NLGN4X: variants seen among roughly 807,000 people sequenced by gnomAD.
NLGN4X encodes the protein neuroligin 4 X-linked, also known as neuroligin-4, X-linked.
Under a neutral mutation model 40.3 loss-of-function variants are expected in NLGN4X, and 3 were observed. The observed-to-expected ratio is 0.07, with a 90% CI of 0.03 to 0.19. The LOEUF (loss-of-function observed/expected upper bound fraction) is 0.19, where lower values mean the gene tolerates loss of function less well. Ranked by LOEUF, NLGN4X falls within the 10% of genes least tolerant of loss-of-function variation. NLGN4X has a pLI of 1.00. For synonymous variants in NLGN4X, 270 were observed against 306.8 expected (o/e 0.88, Z 1.25); for missense variants, 382 against 708.3 (o/e 0.54, Z 5.23).
intron 3 of NLGN4X, among the ~76,000 whole-genome samples, chrX:5,988,902 T>TA (rs900950067): frequency 1.6e-4 from 17 of 109,058 alleles, no homozygotes; most frequent in Non-Finnish European, 2.3e-4. Context: ...CCGTCCCTAC[T>TA]AAAAAAAATA....
intron 3 of NLGN4X, among the ~76,000 whole-genome samples, chrX:5,927,208 TATC>T (rs949563328): frequency 1.8e-5 from 2 of 111,917 alleles, no homozygotes; most frequent in African/African-American, 3.2e-5. Context: ...GGAAAGAAGA[TATC>T]ATCTGAAATG....
intron 3 of NLGN4X, among the ~76,000 whole-genome samples, chrX:5,930,813 C>G (rs909986003): frequency 1.8e-5 from 2 of 112,149 alleles, no homozygotes; most frequent in Admixed American, 9.5e-5. Context: ...CTGGTTTTAT[C>G]TTGATGATAG....
At chrX:6,049,738 GGGGGC>G (rs72241815) in intron 2 of NLGN4X, among the ~76,000 whole-genome samples, 39,693 of 70,992 alleles carry the variant, frequency 0.56, 7,715 homozygotes, top group Middle Eastern at 0.71. Flanking sequence ...AATGGGGGGG[GGGGGC>G]GGTCACAAAA....
intron 3 of NLGN4X, among the ~76,000 whole-genome samples, chrX:5,909,929 A>C (rs1173838314): frequency 9.0e-6 from 1 of 111,264 alleles, no homozygotes; most frequent in Non-Finnish European, 1.9e-5. Flanking sequence ...ACATCTCCCC[A>C]ACTGTTCCCA....
rs1323014674 is a variant in NLGN4X at position 5,901,844 on chromosome X, G to GTATATACAAATATATTTGTGTGTATA, written c.1601+1207_1601+1232dup. On this transcript the variant is annotated intron_variant, in intron 5 of 5. Coordinates refer to ENST00000381095, the MANE Select transcript of NLGN4X (RefSeq NM_181332.3). Reference sequence around the variant, plus strand: ...AGTATTTGTATATATATTTGTATTTGTATATACAAATATATTTGTGTGTAT... The same window carrying GTATATACAAATATATTTGTGTGTATA: ...AGTATTTGTATATATATTTGTATTTGTATATACAAATATATTTGTGTGTATATATATACAAATATATTTGTGTGTAT... Among the ~76,000 whole-genome samples the GTATATACAAATATATTTGTGTGTATA allele has an allele frequency of 1.8e-4, 18 of 102,073 alleles. No homozygotes were observed. The East Asian group carries it at 5.0e-3, about 29-fold the overall frequency. The allele number at this position is 102,073 out of a possible 115,157, so 88.6% of individuals were successfully genotyped here.
chrX:6,211,322 G>C (rs1197511954), intron 1 of NLGN4X, among the ~76,000 whole-genome samples: 1 of 111,103 alleles, frequency 9.0e-6, no homozygotes, highest in Non-Finnish European at 1.9e-5. Flanking sequence ...GAGGGGTGTG[G>C]AGTAAAAAAA....
intron 1 of NLGN4X, among the ~76,000 whole-genome samples, chrX:6,177,611 G>C (rs1920984548): frequency 8.9e-6 from 1 of 112,106 alleles, no homozygotes; most frequent in Non-Finnish European, 1.9e-5. Flanking sequence ...CATGTCCTTT[G>C]AATGTGAAAG....
intron 3 of NLGN4X, among the ~76,000 whole-genome samples, chrX:6,021,862 C>T (rs2036568142): frequency 9.1e-6 from 1 of 110,056 alleles, no homozygotes; most frequent in African/African-American, 3.3e-5. Context: ...ACTGCATGGA[C>T]CCCTGCCAAC....
intron 1 of NLGN4X, among the ~76,000 whole-genome samples, chrX:6,226,450 GTT>G (rs1926335075): frequency 9.0e-6 from 1 of 111,064 alleles, no homozygotes; most frequent in Admixed American, 9.3e-5. Flanking sequence ...GGGTGCAAGG[GTT>G]GGCCTGACCC....
chrX:6,056,610 T>C (rs1303826420), intron 2 of NLGN4X, among the ~76,000 whole-genome samples: 3 of 112,522 alleles, frequency 2.7e-5, no homozygotes, highest in Non-Finnish European at 3.7e-5. Flanking sequence ...AATTGGACAG[T>C]TAAATGGATA....
chrX:5,971,029 A>G (rs1466814207), intron 3 of NLGN4X, among the ~76,000 whole-genome samples: 1 of 111,808 alleles, frequency 8.9e-6, no homozygotes, highest in Non-Finnish European at 1.9e-5. Context: ...TTCCCTGAGG[A>G]ACCTCACCCA....
intron 3 of NLGN4X, among the ~76,000 whole-genome samples, chrX:5,941,180 G>GGTGTGTGTGTGTGTGT (rs3220455): frequency 1.7e-5 from 1 of 58,625 alleles, no homozygotes; most frequent in East Asian, 9.0e-4. Flanking sequence ...TATGCTAGGG[G>GGTGTGTGTGTGTGTGT]GTGTGTGTGT....
At chrX:6,217,110 C>CATTCT (rs989246706) in intron 1 of NLGN4X, among the ~76,000 whole-genome samples, 1 of 112,251 alleles carries the variant, frequency 8.9e-6, no homozygotes, top group Non-Finnish European at 1.9e-5. Flanking sequence ...AATACTGCTA[C>CATTCT]AGCATTACAG....
chrX:6,186,804 T>C (rs968766303), intron 1 of NLGN4X: 1 of 111,861 alleles, frequency 8.9e-6, no homozygotes, highest in Non-Finnish European at 1.9e-5. Flanking sequence ...GAATTGATGG[T>C]TTTTAATAAA....
chrX:5,922,372 G>C (rs2033104613), intron 3 of NLGN4X, among the ~76,000 whole-genome samples: 1 of 111,477 alleles, frequency 9.0e-6, no homozygotes, highest in Non-Finnish European at 1.9e-5. Context: ...ACAAAGAAAT[G>C]ATAAATGTTT....
At chrX:6,070,412 A>C (rs1367850966) in intron 2 of NLGN4X, among the ~76,000 whole-genome samples, 1 of 111,791 alleles carries the variant, frequency 8.9e-6, no homozygotes, top group African/African-American at 3.2e-5. Flanking sequence ...CTGAACATTA[A>C]TAAAATATAT....
In NLGN4X at chrX:6,212,243, T is replaced by TAAA. The variant is rs746048703; in HGVS notation, c.-306+16295_-306+16297dup. ...CTGGGCGACAGAGCAAGACTCCATT[T>TAAA]AAAAAAAAAAAAAAAGAGTCCTTGA... On this transcript the variant is annotated intron_variant, in intron 1 of 5. Transcript: ENST00000381095. 2.8e-3 allele frequency among the ~76,000 whole-genome samples: 269 copies of TAAA among 95,550 alleles called. 3 individuals carry two copies. Among genetic ancestry groups the TAAA allele is most frequent in the African/African-American group, 9.9e-3 (259 of 26,108 alleles). 83.0% of individuals were successfully genotyped at this position (95,550 alleles called of 115,157 possible).
At chrX:6,227,427 C>G (rs1180775006) in intron 1 of NLGN4X, among the ~76,000 whole-genome samples, 39 of 108,848 alleles carry the variant, frequency 3.6e-4, no homozygotes, top group Non-Finnish European at 1.1e-4. Flanking sequence ...CTCCGGTAGT[C>G]TGTCCTCGCA....
At chrX:5,956,006 A>C (rs2034480688) in intron 3 of NLGN4X, among the ~76,000 whole-genome samples, 1 of 109,947 alleles carries the variant, frequency 9.1e-6, no homozygotes, top group South Asian at 3.8e-4. Context: ...TGTCTTCTAA[A>C]TATTCCACCT....
Sources: allele counts gnomAD v4.1 joint callset (sites outside exome capture counted in the v4.1 genomes callset), GRCh38; gene constraint gnomAD v4.1.1; transcripts MANE v1.5; gene names NCBI Gene and HGNC (gene_info 2026-07-23, HGNC 2026-07-21).